The following CCDC171 variants were observed in gnomAD, a reference collection of about 807,000 sequenced individuals.
CCDC171 encodes coiled-coil domain containing 171, also known as coiled-coil domain-containing protein 171.
A neutral mutation model predicts 168.2 loss-of-function variants in CCDC171; 177 were observed. The observed-to-expected ratio is 1.05, with a 90% CI of 0.93 to 1.19. The LOEUF is 1.19. Ranked by LOEUF, CCDC171 falls within the 50% of genes most tolerant of loss-of-function variation. CCDC171 has a pLI of 0.00. For missense variants in CCDC171, 1,991 were observed against 1,539.0 expected (o/e 1.29, Z -4.91); for synonymous variants, 687 against 540.8 (o/e 1.27, Z -3.75).
chr9:15,785,810 A>G (rs903740002), intron 21 of CCDC171, among the ~76,000 whole-genome samples: 1 of 152,122 alleles, frequency 6.6e-6, no homozygotes, highest in African/African-American at 2.4e-5. Flanking sequence ...TGCATTTGCC[A>G]GGCTCTGTGT....
At chr9:15,982,300 G>C (rs184820441) in intron 3 of CCDC171, among the ~76,000 whole-genome samples, 3 of 152,128 alleles carry the variant, frequency 2.0e-5, no homozygotes, top group Non-Finnish European at 4.4e-5. Flanking sequence ...ATTTAGAACC[G>C]TATTCACTCA....
At chr9:15,694,075 G>T (rs2051027962) in intron 10 of CCDC171, among the ~76,000 whole-genome samples, 1 of 152,138 alleles carries the variant, frequency 6.6e-6, no homozygotes, top group Non-Finnish European at 1.5e-5. Flanking sequence ...TGGCATGATT[G>T]ACAACTCTCT....
intron 6 of CCDC171, among the ~76,000 whole-genome samples, chr9:15,603,464 C>T (rs1275632939): frequency 1.3e-5 from 2 of 152,108 alleles, no homozygotes; most frequent in Admixed American, 6.6e-5. Flanking sequence ...TCCATGTGTT[C>T]TCATTGTTCA....
chr9:15,815,419 CT>C (rs59112774), intron 21 of CCDC171, among the ~76,000 whole-genome samples: 70,589 of 83,888 alleles, frequency 0.84, 32,192 homozygotes, highest in East Asian at 0.96. Flanking sequence ...ACTTCTTTTA[CT>C]TTTTTTTTTT....
At chr9:16,060,098 T>A (rs1833908646) in intron 1 of CCDC171, among the ~76,000 whole-genome samples, 1 of 152,236 alleles carries the variant, frequency 6.6e-6, no homozygotes, top group African/African-American at 2.4e-5. Flanking sequence ...TATATGTATG[T>A]AAATTTGTAT....
chr9:15,843,015 C>A (rs2060748050), intron 21 of CCDC171, among the ~76,000 whole-genome samples: 1 of 151,888 alleles, frequency 6.6e-6, no homozygotes, highest in African/African-American at 2.4e-5. Flanking sequence ...TTCACTACTT[C>A]CTTTGTATCC....
At chr9:16,071,841 A>T in the CCDC171 span, among the ~76,000 whole-genome samples, 1 of 152,138 alleles carries the variant, frequency 6.6e-6, no homozygotes, top group South Asian at 2.1e-4. Context: ...TTCCCTTAAA[A>T]GCCTCTTACC....
intron 2 of CCDC171, among the ~76,000 whole-genome samples, chr9:15,569,687 C>T (rs918305855): frequency 5.3e-5 from 8 of 151,520 alleles, no homozygotes; most frequent in Non-Finnish European, 7.4e-5. Flanking sequence ...TGGTGGCGGG[C>T]GCCTGTAGTC....
intron 24 of CCDC171, among the ~76,000 whole-genome samples, chr9:15,908,435 C>T (rs1386014351): frequency 2.8e-5 from 4 of 143,770 alleles, no homozygotes; most frequent in East Asian, 4.1e-4. Context: ...TGTTCTCACT[C>T]ATAGGTGGGA....
intron 8 of CCDC171, 35 bp downstream of exon 8, chr9:15,657,254 C>A: frequency 7.4e-7 from 1 of 1,358,312 alleles, no homozygotes; most frequent in South Asian, 1.2e-5. Flanking sequence ...CCTGCATTTT[C>A]TTAATTTGTG....
chr9:15,878,596 A>T (rs1818173713), intron 24 of CCDC171, among the ~76,000 whole-genome samples: 1 of 152,166 alleles, frequency 6.6e-6, no homozygotes, highest in East Asian at 1.9e-4. Context: ...TGAAAACAGA[A>T]CTACCATTTG....
chr9:15,871,981 G>T (rs912204297), intron 23 of CCDC171, among the ~76,000 whole-genome samples: 2 of 151,854 alleles, frequency 1.3e-5, no homozygotes, highest in African/African-American at 4.8e-5. Flanking sequence ...AAATATTTGA[G>T]AACATTTTAG....
chr9:15,901,310 A>G (rs533399771), intron 24 of CCDC171, among the ~76,000 whole-genome samples: 1 of 152,150 alleles, frequency 6.6e-6, no homozygotes, highest in East Asian at 1.9e-4. Flanking sequence ...AGAATGTCCA[A>G]CACCAATAGC....
intron 6 of CCDC171, among the ~76,000 whole-genome samples, chr9:15,620,755 T>C (rs73644684): frequency 0.02 from 3,080 of 152,238 alleles, 100 homozygotes; most frequent in African/African-American, 0.068. Context: ...AGAAACCTTT[T>C]TGAAGAAAGA....
chr9:15,670,197 T>C (rs1177519246), intron 9 of CCDC171, among the ~76,000 whole-genome samples: 1 of 152,090 alleles, frequency 6.6e-6, no homozygotes, highest in Non-Finnish European at 1.5e-5. Context: ...GCCAGAATGC[T>C]CAACAGCAAG....
chr9:15,935,958 T>G (rs904352585), intron 25 of CCDC171, among the ~76,000 whole-genome samples: 2 of 152,106 alleles, frequency 1.3e-5, no homozygotes, highest in Non-Finnish European at 2.9e-5. Context: ...AAAGTTTAAA[T>G]GTTACAGAAT....
intron 18 of CCDC171, among the ~76,000 whole-genome samples, chr9:15,750,575 C>T (rs994596026): frequency 6.6e-6 from 1 of 152,144 alleles, no homozygotes; most frequent in African/African-American, 2.4e-5. Context: ...CAATAAAATA[C>T]TGGCAAACCG....
intron 10 of CCDC171, among the ~76,000 whole-genome samples, chr9:15,682,348 A>C (rs1024427968): frequency 6.6e-6 from 1 of 152,032 alleles, no homozygotes; most frequent in Non-Finnish European, 1.5e-5. Context: ...CCCTGTTTTG[A>C]GAGAGATATT....
At chr9:15,941,497 A>T (rs988674101) in intron 25 of CCDC171, among the ~76,000 whole-genome samples, 1 of 151,998 alleles carries the variant, frequency 6.6e-6, no homozygotes, top group African/African-American at 2.4e-5. Context: ...ATAATAAGGA[A>T]TCTTAAAAAA....
Sources: gnomAD v4.1 joint callset for allele counts (sites outside exome capture counted in the v4.1 genomes callset) on GRCh38, gnomAD v4.1.1 for gene constraint, MANE v1.5 for transcripts, NCBI Gene and HGNC (gene_info 2026-07-23, HGNC 2026-07-21) for gene names.